Variants in SLC39A9 observed in about 807,000 individuals in gnomAD.
The protein encoded by SLC39A9 is solute carrier family 39 member 9, also known as zinc transporter ZIP9.
A neutral mutation model predicts 28.4 loss-of-function variants in SLC39A9; 14 were observed. The ratio of observed to expected loss-of-function variants is 0.49; its 90% CI spans 0.33 to 0.77. SLC39A9 has a LOEUF of 0.77. SLC39A9 is among the 30% of genes least tolerant of loss of function. SLC39A9 has a pLI of 0.02. For missense variants in SLC39A9, 283 were observed against 381.1 expected, an observed-to-expected ratio of 0.74 and a Z score of 2.14; for synonymous variants, 119 against 149.6, an observed-to-expected ratio of 0.80 and a Z score of 1.49.
intron 1 of SLC39A9, among the ~76,000 whole-genome samples, chr14:69,408,774 G>GT (rs1294419412): frequency 6.6e-6 from 1 of 152,202 alleles, no homozygotes; most frequent in Non-Finnish European, 1.5e-5. Flanking sequence ...AGTAGAGGAA[G>GT]TAAGTTACAG....
intron 2 of SLC39A9, among the ~76,000 whole-genome samples, chr14:69,427,589 G>A (rs1884266490): frequency 6.6e-6 from 1 of 152,108 alleles, no homozygotes; most frequent in South Asian, 2.1e-4. Context: ...CTGTCCATTT[G>A]TAATGTTTTC....
intron 5 of SLC39A9, among the ~76,000 whole-genome samples, chr14:69,455,429 C>T (rs1238821806): frequency 2.6e-5 from 4 of 152,050 alleles, no homozygotes; most frequent in Non-Finnish European, 4.4e-5. Flanking sequence ...TGGGTTCAAG[C>T]GATTCTCCTG....
intron 1 of SLC39A9, among the ~76,000 whole-genome samples, chr14:69,414,300 A>G (rs905302111): frequency 6.6e-6 from 1 of 152,128 alleles, no homozygotes; most frequent in African/African-American, 2.4e-5. Context: ...ACTTATCTCA[A>G]TGTAGTTTTT....
intron 1 of SLC39A9, among the ~76,000 whole-genome samples, chr14:69,404,238 G>A (rs1882794411): frequency 6.6e-6 from 1 of 152,088 alleles, no homozygotes; most frequent in South Asian, 2.1e-4. Flanking sequence ...ATAACCAACA[G>A]CATAAATCCA....
Position 69,458,780 on chromosome 14 carries a change from T to C in SLC39A9, c.*187T>C. 7.3e-7 allele frequency: 1 copy of C among 1,363,126 alleles called. No individual in the cohort carries two copies. The highest frequency in any genetic ancestry group is 2.6e-5 in the East Asian group (1 of 39,034). The allele number at this position is 1,363,126 out of a possible 1,614,324, so 84.4% of individuals were successfully genotyped here. A position where few individuals can be genotyped will look rare whatever the true frequency, so the allele number is the denominator to read the frequency against. ...AAAGCTTTTAGAGTAGAAACACATT[T>C]ACGTTGCAGTTAGCTATAGACATCC... is the stretch of plus-strand genomic sequence containing the variant. On this transcript the variant is annotated 3_prime_UTR_variant, in exon 7 of 7. Coordinates refer to ENST00000336643, the MANE Select transcript of SLC39A9 (RefSeq NM_018375.5).
In SLC39A9 at chr14:69,459,883, CTT is replaced by C; in HGVS notation, c.*1292_*1293del. The C allele has an allele frequency of 1.0e-6, 1 of 985,210 alleles. No individual in the cohort carries two copies. The highest frequency in any genetic ancestry group is 1.2e-6 in the Non-Finnish European group (1 of 829,750). 61.0% of individuals were successfully genotyped at this position (985,210 alleles called of 1,614,324 possible). A position where few individuals can be genotyped will look rare whatever the true frequency, so the allele number is the denominator to read the frequency against. On this transcript the variant is annotated 3_prime_UTR_variant, in exon 7 of 7. Transcript: ENST00000336643. ...ACTGTAATAATGAAGATAATAATAT[CTT>C]TATTCTTTATCCCCCTTCAAAGAAA... is the stretch of plus-strand genomic sequence containing the variant.
At chr14:69,409,191 TAAC>T (rs1452937977) in intron 1 of SLC39A9, among the ~76,000 whole-genome samples, 1 of 152,264 alleles carries the variant, frequency 6.6e-6, no homozygotes, top group East Asian at 1.9e-4. Flanking sequence ...GAATCACTAA[TAAC>T]ATTTTTGTTT....
chr14:69,423,474 A>G (rs1884009078), intron 1 of SLC39A9, among the ~76,000 whole-genome samples: 1 of 151,546 alleles, frequency 6.6e-6, no homozygotes, highest in Non-Finnish European at 1.5e-5. Flanking sequence ...GAGGCTTTAA[A>G]TCTAAATGCC....
At chr14:69,435,142 G>T (rs1884680176) in intron 2 of SLC39A9, among the ~76,000 whole-genome samples, 1 of 152,184 alleles carries the variant, frequency 6.6e-6, no homozygotes, top group Non-Finnish European at 1.5e-5. Context: ...TAAGACAGGA[G>T]TATTGAAGTC....
Position 69,458,768 on chromosome 14 carries a change from T to C in SLC39A9, c.*175T>C. The C allele has an allele frequency of 1.5e-6, 2 of 1,369,728 alleles. No homozygotes were observed. The highest frequency in any genetic ancestry group is 9.4e-7 in the Non-Finnish European group (1 of 1,062,894). The allele number at this position is 1,369,728 out of a possible 1,614,324, so 84.8% of individuals were successfully genotyped here. A position where few individuals can be genotyped will look rare whatever the true frequency, so the allele number is the denominator to read the frequency against. ...CTGAGTAATGGAAAAGCTTTTAGAG[T>C]AGAAACACATTTACGTTGCAGTTAG... On this transcript the variant is annotated 3_prime_UTR_variant, in exon 7 of 7. Transcript: ENST00000336643.
At chr14:69,413,006 C>T (rs1883356242) in intron 1 of SLC39A9, among the ~76,000 whole-genome samples, 1 of 152,170 alleles carries the variant, frequency 6.6e-6, no homozygotes, top group African/African-American at 2.4e-5. Flanking sequence ...TTCATGTTTG[C>T]ACTTAGATCA....
chr14:69,398,419 CTGTT>C (rs34265287), upstream of SLC39A9: 5,573 of 721,840 alleles, frequency 7.7e-3, 238 homozygotes, highest in African/African-American at 0.09. Context: ...GCTACTGACT[CTGTT>C]TCAGCCATCT....
chr14:69,458,889 G>A lies in SLC39A9; in HGVS notation c.*296G>A, dbSNP rs1304276018. 2 of 1,110,542 alleles carry A rather than the reference G, an allele frequency of 1.8e-6. No individual in the cohort carries two copies. Among genetic ancestry groups the A allele is most frequent in the Non-Finnish European group, 2.2e-6 (2 of 909,480 alleles). 68.8% of individuals were successfully genotyped at this position (1,110,542 alleles called of 1,614,324 possible). A position where few individuals can be genotyped will look rare whatever the true frequency, so the allele number is the denominator to read the frequency against. ...CTATTCTCAGGGAAGATGGAATTTA[G>A]TTTTAAGGAAAAGAGGAGAACTTCA... On this transcript the variant is annotated 3_prime_UTR_variant, in exon 7 of 7. Coordinates refer to ENST00000336643, the MANE Select transcript of SLC39A9 (RefSeq NM_018375.5).
At position 69,460,901 on chromosome 14, in the gene SLC39A9, G is replaced by A. The variant is rs1886085318; in HGVS notation, c.*2308G>A. On this transcript the variant is annotated 3_prime_UTR_variant, in exon 7 of 7. Transcript: ENST00000336643. ...CATACTAATCTCATAGGGCTCAAAT[G>A]CATCTTCAGGCAGCAGGGAACCAAG... The A allele has an allele frequency of 2.0e-6, 2 of 985,386 alleles. No individual in the cohort carries two copies. The highest frequency in any genetic ancestry group is 4.7e-5 in the South Asian group (1 of 21,294). 61.0% of individuals were successfully genotyped at this position (985,386 alleles called of 1,614,324 possible).
chr14:69,449,172 T>G (rs1456274908), intron 3 of SLC39A9, among the ~76,000 whole-genome samples: 1 of 152,242 alleles, frequency 6.6e-6, no homozygotes, highest in Non-Finnish European at 1.5e-5. Context: ...TTTAATAAAA[T>G]CTTATCTTGG....
At chr14:69,425,440 T>C (rs569053271) in intron 2 of SLC39A9, among the ~76,000 whole-genome samples, 178 of 152,268 alleles carry the variant, frequency 1.2e-3, no homozygotes, top group Middle Eastern at 3.4e-3. Flanking sequence ...GAAAATTCCT[T>C]GAGGAAGAGG....
intron 1 of SLC39A9, among the ~76,000 whole-genome samples, chr14:69,406,126 C>T (rs1196304994): frequency 6.6e-6 from 1 of 152,118 alleles, no homozygotes; most frequent in East Asian, 1.9e-4. Flanking sequence ...CCTTTAGCTC[C>T]CCAAATTAGG....
In SLC39A9 at chr14:69,407,919, C is replaced by T. The variant is rs142409869; in HGVS notation, c.96+8454C>T. On this transcript the variant is annotated intron_variant, in intron 1 of 6. Transcript: ENST00000336643. ...TGCTGGGATTACAGGCATGAGCCAC[C>T]GCACCCGGCCCTGCTATTATATTCT... Among the ~76,000 whole-genome samples the T allele has an allele frequency of 6.3e-4, 96 of 151,586 alleles. 1 individual carries two copies. The East Asian group carries it at 7.0e-3, about 11-fold the overall frequency.
At chr14:69,432,421 G>A (rs189443479) in intron 2 of SLC39A9, among the ~76,000 whole-genome samples, 8 of 152,052 alleles carry the variant, frequency 5.3e-5, no homozygotes, top group East Asian at 1.9e-4. Flanking sequence ...TACTTGTTCC[G>A]TTTTTTAAGT....
Sources: gnomAD v4.1 joint callset for allele counts (sites outside exome capture counted in the v4.1 genomes callset) on GRCh38, gnomAD v4.1.1 for gene constraint, MANE v1.5 for transcripts, NCBI Gene and HGNC (gene_info 2026-07-23, HGNC 2026-07-21) for gene names.